The following CDKL4 variants were observed in gnomAD, a reference collection of about 807,000 sequenced individuals.
CDKL4 encodes cyclin-dependent kinase-like 4.
A neutral mutation model predicts 42.0 loss-of-function variants in CDKL4; 44 were observed. The observed-to-expected ratio is 1.05, with a 90% CI of 0.82 to 1.35. The LOEUF is 1.35. CDKL4 is among the 40% of genes most tolerant of loss of function. The probability of loss-of-function intolerance (pLI) is 0.00; values close to 1 mark genes in which losing one functional copy is unlikely to be tolerated. For missense variants in CDKL4, 393 were observed against 369.9 expected, an observed-to-expected ratio of 1.06 and a Z score of -0.51; for synonymous variants, 120 against 121.6, an observed-to-expected ratio of 0.99 and a Z score of 0.09.
chr2:39,179,046 T>C (rs1675289244), intron 9 of CDKL4, 141 bp downstream of exon 9: 1 of 1,494,562 alleles, frequency 6.7e-7, no homozygotes, highest in Non-Finnish European at 8.9e-7. Context: ...CAATTACCAA[T>C]ATTTATTAAG....
intron 2 of CDKL4, among the ~76,000 whole-genome samples, chr2:39,227,005 C>T (rs1209642256): frequency 4.6e-5 from 7 of 152,072 alleles, no homozygotes; most frequent in African/African-American, 1.7e-4. Context: ...AGGCTGGTCT[C>T]AAACTGCTGA....
At chr2:39,178,881 T>C in intron 9 of CDKL4, 9 of 1,466,536 alleles carry the variant, frequency 6.1e-6, no homozygotes, top group Non-Finnish European at 8.1e-6. Flanking sequence ...AGCATTTTAT[T>C]ATATGAAGTT....
At chr2:39,173,179 T>C (rs1675046188), downstream of CDKL4, among the ~76,000 whole-genome samples, 1 of 152,178 alleles carries the variant, frequency 6.6e-6, no homozygotes, top group African/African-American at 2.4e-5. Context: ...TGTGTGTATA[T>C]ATGGATATGC....
chr2:39,169,402 G>A, the CDKL4 span, among the ~76,000 whole-genome samples: 5 of 152,110 alleles, frequency 3.3e-5, no homozygotes, highest in Non-Finnish European at 7.4e-5. Context: ...GTGTGTTTGC[G>A]TGAGTGTGAA....
chr2:39,190,544 A>T, intron 5 of CDKL4, 42 bp from the exon 6 acceptor site: 1 of 1,550,736 alleles, frequency 6.4e-7, no homozygotes, highest in Non-Finnish European at 8.9e-7. Context: ...AATTCTCCCA[A>T]CATGTGAACT....
chr2:39,169,003 C>T, the CDKL4 span, among the ~76,000 whole-genome samples: 36 of 152,098 alleles, frequency 2.4e-4, no homozygotes, highest in Non-Finnish European at 1.0e-4. Flanking sequence ...GATCCGCCTG[C>T]CTTGCCCTCC....
upstream of CDKL4, among the ~76,000 whole-genome samples, chr2:39,245,540 C>G (rs893479003): frequency 6.6e-6 from 1 of 152,218 alleles, no homozygotes; most frequent in Admixed American, 6.5e-5. Flanking sequence ...GTGGGTATAA[C>G]CTCGGGGCCG....
At chr2:39,232,550 C>T (rs1049332998) in intron 1 of CDKL4, among the ~76,000 whole-genome samples, 1 of 152,196 alleles carries the variant, frequency 6.6e-6, no homozygotes, top group Non-Finnish European at 1.5e-5. Context: ...CACAAACATG[C>T]TCCACGTTAT....
In CDKL4 at chr2:39,226,434, AATTATATATATTATATATAT is replaced by A. The variant is rs57048348; in HGVS notation, c.169-494_169-475del. Among the ~76,000 whole-genome samples, 127 of 101,566 alleles carry A rather than the reference AATTATATATATTATATATAT, an allele frequency of 1.3e-3. No homozygotes were observed. The Middle Eastern group carries it at 0.02, about 16-fold the overall frequency. 66.6% of individuals were successfully genotyped at this position (101,566 alleles called of 152,430 possible). On this transcript the variant is annotated intron_variant, in intron 2 of 9. Coordinates refer to ENST00000451199, the Ensembl canonical transcript of CDKL4. ...AAATTTACTTATTTATATTTATATA[AATTATATATATTATATATAT>A]ATTATATATATTATATATATATAAT...
At chr2:39,232,842 GA>G (rs1679150263) in intron 1 of CDKL4, among the ~76,000 whole-genome samples, 1 of 151,710 alleles carries the variant, frequency 6.6e-6, no homozygotes, top group South Asian at 2.1e-4. Context: ...TCAGGGGATC[GA>G]GACCATCCTG....
At chr2:39,222,102 G>C (rs780716024) in intron 3 of CDKL4, among the ~76,000 whole-genome samples, 4 of 152,172 alleles carry the variant, frequency 2.6e-5, no homozygotes, top group African/African-American at 4.8e-5. Flanking sequence ...AGATCAATGA[G>C]ACATGAAGTA....
Position 39,179,454 on chromosome 2 carries a change from T to A in CDKL4, c.793-133A>T, listed in dbSNP as rs1324878526. 3 of 665,620 alleles carry A rather than the reference T, an allele frequency of 4.5e-6. No individual in the cohort carries two copies. The African/African-American group carries it at 5.5e-5, about 12-fold the overall frequency. 41.2% of individuals were successfully genotyped at this position (665,620 alleles called of 1,614,324 possible). On this transcript the variant is annotated intron_variant, in intron 8 of 9. Coordinates refer to ENST00000451199, the Ensembl canonical transcript of CDKL4. ...TCCAGTTTGTGTATTATCAAGTAGTTGGAGCTTGCTAATAGCTAGGATTGC... is the reference window on the plus strand; with the variant it reads ...TCCAGTTTGTGTATTATCAAGTAGTAGGAGCTTGCTAATAGCTAGGATTGC...
At chr2:39,179,953 T>G (rs1397156398) in intron 8 of CDKL4, among the ~76,000 whole-genome samples, 2 of 152,156 alleles carry the variant, frequency 1.3e-5, no homozygotes, top group Non-Finnish European at 2.9e-5. Flanking sequence ...TTGAGACCAT[T>G]AGAAGCCTCT....
intron 5 of CDKL4, among the ~76,000 whole-genome samples, chr2:39,200,401 C>T (rs539158231): frequency 5.0e-4 from 76 of 151,852 alleles, no homozygotes; most frequent in African/African-American, 1.7e-3. Flanking sequence ...ATTGTGAAGA[C>T]GACCATACTG....
At chr2:39,237,379 T>C (rs1343339543) in intron 1 of CDKL4, among the ~76,000 whole-genome samples, 1 of 152,184 alleles carries the variant, frequency 6.6e-6, no homozygotes, top group Non-Finnish European at 1.5e-5. Context: ...ACAAGGGGAC[T>C]TCCTCAAGGG....
exon 6 of CDKL4, chr2:39,190,502 A>G: frequency 6.2e-7 from 1 of 1,613,970 alleles, no homozygotes; most frequent in Non-Finnish European, 8.5e-7. Context: ...ATCTCCTGGA[A>G]CTGCAAATGC....
At chr2:39,228,268 G>C (rs1270701537) in intron 2 of CDKL4, among the ~76,000 whole-genome samples, 1 of 152,210 alleles carries the variant, frequency 6.6e-6, no homozygotes, top group Non-Finnish European at 1.5e-5. Flanking sequence ...CTGGCTAGCT[G>C]ACCGGCGCGC....
upstream of CDKL4, among the ~76,000 whole-genome samples, chr2:39,244,000 G>A (rs1422770960): frequency 2.6e-5 from 4 of 152,242 alleles, no homozygotes; most frequent in Non-Finnish European, 5.9e-5. Context: ...CCGCCGCAGC[G>A]TCTCCCGGGC....
chr2:39,189,922 T>C (rs149643169), intron 6 of CDKL4, among the ~76,000 whole-genome samples: 1 of 152,334 alleles, frequency 6.6e-6, no homozygotes, highest in African/African-American at 2.4e-5. Context: ...ATTCCTGCTC[T>C]AGAGTAAAGG....
Sources: gnomAD v4.1 joint callset for allele counts (sites outside exome capture counted in the v4.1 genomes callset) on GRCh38, gnomAD v4.1.1 for gene constraint, MANE v1.5 for transcripts, NCBI Gene and HGNC (gene_info 2026-07-23, HGNC 2026-07-21) for gene names.